PKP4: variants seen among roughly 807,000 people sequenced by gnomAD.
The protein encoded by PKP4 is plakophilin 4.
In PKP4, 90 loss-of-function variants were observed where a neutral mutation model predicts 145.1. The observed-to-expected ratio is 0.62, with a 90% confidence interval of 0.52 to 0.74. PKP4 has a LOEUF of 0.74. Among genes scored for constraint, PKP4 ranks in the 30% least tolerant of loss-of-function variants. The pLI, the probability that PKP4 is intolerant of heterozygous loss-of-function variation, is 0.00. For synonymous variants in PKP4, 563 were observed against 577.2 expected (o/e 0.98, Z 0.35); for missense variants, 1,340 against 1,482.7 (o/e 0.90, Z 1.58).
At position 158,634,106 on chromosome 2, in the gene PKP4, G is replaced by A. The variant is rs202201464; in HGVS notation, c.1379G>A (p.Arg460Gln). The change falls in exon 9 of 22, where the codon CGA (arginine) becomes CAA (glutamine). Residue 460 changes from arginine to glutamine, a missense_variant. Arg to Gln is a conservative substitution (Grantham distance 43, BLOSUM62 1). Transcript: ENST00000389759. ...IGNLQRTSSQ[R>Q]STLTYQRNNY... ...AATCTACAAAGGACATCCAGCCAAC[G>A]AAGTACCCTTACATACCAAAGAAAT... is the stretch of plus-strand genomic sequence containing the variant. 186 of 1,613,716 alleles carry A rather than the reference G, an allele frequency of 1.2e-4. No homozygotes were observed. Among genetic ancestry groups the A allele is most frequent in the Middle Eastern group, 9.9e-4 (6 of 6,062 alleles).
chr2:158,570,608 A>G (rs1366629795), intron 2 of PKP4, among the ~76,000 whole-genome samples: 3 of 152,222 alleles, frequency 2.0e-5, no homozygotes, highest in Non-Finnish European at 4.4e-5. Context: ...TTCTTTCAAT[A>G]TAACTGGAAC....
intron 1 of PKP4, among the ~76,000 whole-genome samples, chr2:158,498,098 A>G (rs570898901): frequency 1.3e-5 from 2 of 152,330 alleles, no homozygotes; most frequent in Admixed American, 6.5e-5. Flanking sequence ...CACTGAGGCA[A>G]TGTGAGGATG....
chr2:158,661,152 T>A (rs1218909673), intron 12 of PKP4, 181 bp from the exon 13 acceptor site: 2 of 524,016 alleles, frequency 3.8e-6, no homozygotes, highest in Non-Finnish European at 7.0e-6. Context: ...CATGTGTGGA[T>A]AATGGGGAGC....
chr2:158,544,528 C>G (rs535511634), intron 2 of PKP4, among the ~76,000 whole-genome samples: 1 of 152,214 alleles, frequency 6.6e-6, no homozygotes, highest in South Asian at 2.1e-4. Context: ...CCTCCCCCAG[C>G]TCAACAAGAA....
At chr2:158,531,500 T>C (rs1295984900) in intron 1 of PKP4, among the ~76,000 whole-genome samples, 1 of 152,228 alleles carries the variant, frequency 6.6e-6, no homozygotes, top group Non-Finnish European at 1.5e-5. Context: ...TAGCATTTTT[T>C]TCCTTTATAG....
rs374882315 is a variant in PKP4 at position 158,625,279 on chromosome 2, G to A, written c.1005G>A (p.Ser335=). The A allele has an allele frequency of 3.4e-5, 55 of 1,614,178 alleles. No individual in the cohort carries two copies. Among genetic ancestry groups the A allele is most frequent in the Non-Finnish European group, 3.7e-5 (44 of 1,180,024 alleles). The change falls in exon 7 of 22, where the codon TCG becomes TCA. Residue 335 remains serine (S), a synonymous_variant. Transcript: ENST00000389759. ...CCCCATCCCAAGGCCAGGTGGGGTC[G>A]TCGTCCCCCAAACGCTCAGGGATGA... The part of the protein sequence containing the change: ...VASPSQGQVG[S]SSPKRSGMTA...
intron 1 of PKP4, among the ~76,000 whole-genome samples, chr2:158,466,154 C>T (rs566675798): frequency 1.3e-5 from 2 of 152,240 alleles, no homozygotes; most frequent in South Asian, 2.1e-4. Context: ...TCTTGACCTC[C>T]AGTGGTTCTA....
At chr2:158,492,782 A>G (rs1445801071) in intron 1 of PKP4, among the ~76,000 whole-genome samples, 2 of 152,190 alleles carry the variant, frequency 1.3e-5, no homozygotes, top group Non-Finnish European at 2.9e-5. Flanking sequence ...TTCTTCTTAC[A>G]GAAGTGTTAT....
chr2:158,589,370 G>A (rs573772070), intron 3 of PKP4, among the ~76,000 whole-genome samples: 1 of 152,050 alleles, frequency 6.6e-6, no homozygotes, highest in African/African-American at 2.4e-5. Context: ...GAGTGTCAAG[G>A]GGGTGGGAAG....
At chr2:158,479,467 G>A (rs1414314210) in intron 1 of PKP4, among the ~76,000 whole-genome samples, 3 of 152,226 alleles carry the variant, frequency 2.0e-5, no homozygotes, top group Non-Finnish European at 4.4e-5. Flanking sequence ...CAAGCGATCG[G>A]CCCGCCTTAG....
intron 2 of PKP4, among the ~76,000 whole-genome samples, chr2:158,550,137 A>AGGAATCTATTAATTCTATTAAT (rs2045469740): frequency 9.8e-6 from 1 of 102,470 alleles, no homozygotes. Flanking sequence ...CTTTTCTGCC[A>AGGAATCTATTAATTCTATTAAT]AGAAGAAGTT....
rs527732301 is a variant in PKP4, at chr2:158,625,046, C to A, written c.772C>A (p.Pro258Thr). The A allele has an allele frequency of 2.2e-5, 36 of 1,614,212 alleles. No homozygotes were observed. The Admixed American group carries it at 3.5e-4, about 16-fold the overall frequency. ...AGTGACCGACCCCCGACCTCTGAAC[C>A]CCAGTGCATATTCCTCCACCACATT... is the stretch of plus-strand genomic sequence containing the variant. The part of the protein sequence containing the change: ...PSVTDPRPLN[P>T]SAYSSTTLPA... The change falls in exon 7 of 22, where the codon CCC becomes ACC. Residue 258 changes from proline (P) to threonine (T), a missense_variant. Physicochemically the swap from Pro to Thr is conservative, Grantham distance 38. Transcript: ENST00000389759.
chr2:158,654,913 T>C (rs977876745), intron 11 of PKP4, among the ~76,000 whole-genome samples: 9 of 152,158 alleles, frequency 5.9e-5, no homozygotes, highest in Non-Finnish European at 1.0e-4. Context: ...ACAACATATA[T>C]ATAAAAGGAT....
At chr2:158,493,881 A>G (rs183199407) in intron 1 of PKP4, among the ~76,000 whole-genome samples, 19 of 151,774 alleles carry the variant, frequency 1.3e-4, no homozygotes, top group Admixed American at 1.2e-3. Flanking sequence ...ACCCTTGTGG[A>G]CCCCTTTTTT....
chr2:158,570,013 G>A (rs1318540996), intron 2 of PKP4, among the ~76,000 whole-genome samples: 4 of 152,136 alleles, frequency 2.6e-5, no homozygotes, highest in African/African-American at 9.7e-5. Context: ...AAGCTAGCCA[G>A]TACAATGATG....
chr2:158,464,615 A>G, intron 1 of PKP4, among the ~76,000 whole-genome samples: 1 of 152,256 alleles, frequency 6.6e-6, no homozygotes, highest in East Asian at 1.9e-4. Context: ...ATGCAGTATT[A>G]AATGAATTGT....
intron 1 of PKP4, among the ~76,000 whole-genome samples, chr2:158,497,207 C>T (rs76645742): frequency 2.4e-4 from 37 of 152,260 alleles, no homozygotes; most frequent in African/African-American, 8.7e-4. Context: ...AGCTTCCACC[C>T]TGCAGGAACC....
In PKP4 at chr2:158,641,410, T is replaced by A. The variant is rs537543173; in HGVS notation, c.1695+651T>A. 1.1e-4 allele frequency among the ~76,000 whole-genome samples: 17 copies of A among 152,286 alleles called. 1 individual carries two copies. In the South Asian group the frequency reaches 3.3e-3, roughly 30 times the overall value. ...GCCAATGTGTTTTATGGGATTCTAGTCAGATTGGTGCCAACTATAAATAAG... is the reference window on the plus strand; with the variant it reads ...GCCAATGTGTTTTATGGGATTCTAGACAGATTGGTGCCAACTATAAATAAG... On this transcript the variant is annotated intron_variant, in intron 10 of 21. Transcript: ENST00000389759.
At chr2:158,563,683 A>G (rs2046732019) in intron 2 of PKP4, among the ~76,000 whole-genome samples, 2 of 151,168 alleles carry the variant, frequency 1.3e-5, no homozygotes. Context: ...ATTGGAACTA[A>G]TGGGACAACA....
Sources: gnomAD v4.1 joint callset for allele counts (sites outside exome capture counted in the v4.1 genomes callset) on GRCh38, gnomAD v4.1.1 for gene constraint, MANE v1.5 for transcripts, NCBI Gene and HGNC (gene_info 2026-07-23, HGNC 2026-07-21) for gene names.